The following TBL1XR1 variants were observed in gnomAD, a reference collection of about 807,000 sequenced individuals.
The protein encoded by TBL1XR1 is F-box-like/WD repeat-containing protein TBL1XR1.
Under a neutral mutation model 66.9 loss-of-function variants are expected in TBL1XR1, and 5 were observed. The observed-to-expected ratio is 0.07, with a 90% CI of 0.04 to 0.16. TBL1XR1 has a LOEUF of 0.16. Among genes scored for constraint, TBL1XR1 ranks in the 10% least tolerant of loss-of-function variants. The pLI is 1.00. For missense variants in TBL1XR1, 238 were observed against 623.2 expected, an observed-to-expected ratio of 0.38 and a Z score of 6.58; for synonymous variants, 210 against 206.0, an observed-to-expected ratio of 1.02 and a Z score of -0.17.
intron 2 of TBL1XR1, among the ~76,000 whole-genome samples, chr3:177,087,224 A>AT (rs1338343492): frequency 1.7e-5 from 2 of 117,782 alleles, no homozygotes; most frequent in African/African-American, 3.4e-5. Context: ...TTACTTTTTT[A>AT]TTTAAAAAAA....
chr3:177,050,863 G>C (rs982325863), intron 5 of TBL1XR1, among the ~76,000 whole-genome samples: 8 of 151,948 alleles, frequency 5.3e-5, no homozygotes, highest in Admixed American at 2.0e-4. Context: ...GACTTTAAAT[G>C]ATTAGACCTA....
At chr3:177,050,361 T>G in intron 6 of TBL1XR1, 117 bp downstream of exon 6, 1 of 1,364,778 alleles carries the variant, frequency 7.3e-7, no homozygotes, top group Non-Finnish European at 9.8e-7. Context: ...ATAAAAAATT[T>G]ACAGAGACAA....
chr3:177,110,500 G>T (rs183079703), intron 1 of TBL1XR1, among the ~76,000 whole-genome samples: 46 of 151,372 alleles, frequency 3.0e-4, no homozygotes, highest in Admixed American at 9.2e-4. Context: ...TGGTTTTGTG[G>T]TTTTTTTTTC....
At chr3:177,026,719 T>C (rs1713180168) in intron 14 of TBL1XR1, 1 of 384,354 alleles carries the variant, frequency 2.6e-6, no homozygotes, top group Admixed American at 4.7e-5. Context: ...ATAACCATTC[T>C]TGGCTAAGGT....
chr3:177,100,881 G>A (rs1306675070), intron 1 of TBL1XR1, among the ~76,000 whole-genome samples: 14 of 144,798 alleles, frequency 9.7e-5, no homozygotes, highest in African/African-American at 2.1e-4. Context: ...TCTTTGAGAC[G>A]GAGTCTCGCT....
chr3:177,128,657 A>T (rs1035033319), intron 1 of TBL1XR1, among the ~76,000 whole-genome samples: 2 of 152,158 alleles, frequency 1.3e-5, no homozygotes, highest in African/African-American at 4.8e-5. Flanking sequence ...TACAGGCGTG[A>T]GCCACCGTGC....
intron 10 of TBL1XR1, among the ~76,000 whole-genome samples, 194 bp from the exon 11 acceptor site, chr3:177,038,628 A>G (rs1193414853): frequency 6.6e-6 from 1 of 152,226 alleles, no homozygotes; most frequent in East Asian, 1.9e-4. Flanking sequence ...ATTTCAATTT[A>G]GTTATTTCTA....
intron 13 of TBL1XR1, 60 bp from the exon 14 acceptor site, chr3:177,033,196 T>A (rs1252132018): frequency 7.2e-7 from 1 of 1,387,890 alleles, no homozygotes. Flanking sequence ...CCAGCCTTGC[T>A]CCCACCCAAC....
intron 1 of TBL1XR1, among the ~76,000 whole-genome samples, chr3:177,157,257 G>C (rs1475467796): frequency 6.6e-6 from 1 of 152,162 alleles, no homozygotes; most frequent in Non-Finnish European, 1.5e-5. Flanking sequence ...TCCTAAAGCA[G>C]ATTAGTTTCT....
intron 2 of TBL1XR1, among the ~76,000 whole-genome samples, chr3:177,069,526 G>C (rs1719602396): frequency 6.6e-6 from 1 of 151,866 alleles, no homozygotes; most frequent in African/African-American, 2.4e-5. Flanking sequence ...CTGAGGTCAG[G>C]AGTTTGACAC....
At chr3:177,062,450 C>T (rs1718638240) in intron 3 of TBL1XR1, among the ~76,000 whole-genome samples, 1 of 152,192 alleles carries the variant, frequency 6.6e-6, no homozygotes, top group African/African-American at 2.4e-5. Flanking sequence ...TGCAGGTAGT[C>T]AGAGGCTCAA....
intron 1 of TBL1XR1, among the ~76,000 whole-genome samples, chr3:177,135,384 T>TATA (rs1728873760): frequency 5.4e-5 from 1 of 18,582 alleles, no homozygotes; most frequent in Non-Finnish European, 8.8e-5. Flanking sequence ...TATATATATG[T>TATA]ATGTATTTTT....
rs1712096899 is a variant in TBL1XR1, at chr3:177,019,561, A to C, written c.*5937T>G. On this transcript the variant is annotated 3_prime_UTR_variant, in exon 16 of 16. Transcript: ENST00000457928. ...TGGTACAGCAGAGAAAAGCACCATA[A>C]AACTACCATCTAAAGTGTCTTTTCC... 1 of 152,234 alleles carries C rather than the reference A, an allele frequency of 6.6e-6. No individual in the cohort carries two copies. The highest frequency in any genetic ancestry group is 2.4e-5 in the African/African-American group (1 of 41,460). The allele number at this position is 152,234 out of a possible 1,614,324, so 9.4% of individuals were successfully genotyped here. A position where few individuals can be genotyped will look rare whatever the true frequency, so the allele number is the denominator to read the frequency against.
chr3:177,181,849 T>C (rs888122931), intron 1 of TBL1XR1, among the ~76,000 whole-genome samples: 2 of 147,910 alleles, frequency 1.4e-5, no homozygotes, highest in African/African-American at 5.0e-5. Flanking sequence ...ACACACATGA[T>C]GAAGGGTCTA....
At chr3:177,163,003 T>C (rs1732406373) in intron 1 of TBL1XR1, among the ~76,000 whole-genome samples, 1 of 152,146 alleles carries the variant, frequency 6.6e-6, no homozygotes, top group African/African-American at 2.4e-5. Context: ...CCCTAATTAT[T>C]TACAAATGCA....
chr3:177,159,656 GAA>G (rs1289240723), intron 1 of TBL1XR1, among the ~76,000 whole-genome samples: 3 of 152,050 alleles, frequency 2.0e-5, no homozygotes, highest in African/African-American at 7.2e-5. Context: ...GGTAGGAAAA[GAA>G]AAAAGTCATC....
At chr3:177,145,630 C>T (rs1022541877) in intron 1 of TBL1XR1, among the ~76,000 whole-genome samples, 1 of 152,218 alleles carries the variant, frequency 6.6e-6, no homozygotes, top group African/African-American at 2.4e-5. Flanking sequence ...AAAAGTGAAA[C>T]ACCCAGACCT....
intron 1 of TBL1XR1, among the ~76,000 whole-genome samples, chr3:177,134,823 G>T (rs976413296): frequency 2.0e-5 from 3 of 152,038 alleles, no homozygotes; most frequent in Non-Finnish European, 4.4e-5. Context: ...CTCTCTAAAA[G>T]CAAGAATAAA....
At chr3:177,131,036 A>G (rs1728231704) in intron 1 of TBL1XR1, among the ~76,000 whole-genome samples, 1 of 152,002 alleles carries the variant, frequency 6.6e-6, no homozygotes, top group Non-Finnish European at 1.5e-5. Flanking sequence ...CTTATCACGC[A>G]GTCAGTAGCA....
Sources: gnomAD v4.1 joint callset for allele counts (sites outside exome capture counted in the v4.1 genomes callset) on GRCh38, gnomAD v4.1.1 for gene constraint, MANE v1.5 for transcripts, NCBI Gene and HGNC (gene_info 2026-07-23, HGNC 2026-07-21) for gene names.